MYO1H: variants seen among roughly 807,000 people sequenced by gnomAD.
The protein encoded by MYO1H is unconventional myosin-Ih.
In MYO1H, 118 loss-of-function variants were observed where a neutral mutation model predicts 149.3. That is an observed-to-expected ratio of 0.79 (90% CI 0.68 to 0.92). MYO1H has a LOEUF of 0.92. Among genes scored for constraint, MYO1H ranks in the 40% least tolerant of loss-of-function variants. The pLI, the probability that MYO1H is intolerant of heterozygous loss-of-function variation, is 0.00. For synonymous variants in MYO1H, 447 were observed against 465.2 expected, an observed-to-expected ratio of 0.96 and a Z score of 0.50; for missense variants, 1,212 against 1,280.7, an observed-to-expected ratio of 0.95 and a Z score of 0.82.
At chr12:109,389,439 G>T (rs960982789) in intron 2 of MYO1H, among the ~76,000 whole-genome samples, 14 of 152,106 alleles carry the variant, frequency 9.2e-5, no homozygotes, top group Admixed American at 7.2e-4. Flanking sequence ...AGCCCTGGAC[G>T]GTATAGGCAG....
At chr12:109,409,305 A>T in intron 10 of MYO1H, among the ~76,000 whole-genome samples, 1 of 80,758 alleles carries the variant, frequency 1.2e-5, no homozygotes, top group African/African-American at 6.9e-5. Flanking sequence ...GGCTGAGGAC[A>T]CCTGAACAAA....
chr12:109,335,646 T>G, the MYO1H span, among the ~76,000 whole-genome samples: 3 of 152,240 alleles, frequency 2.0e-5, no homozygotes, highest in Non-Finnish European at 4.4e-5. Context: ...TTGCATTAAA[T>G]ATATGTAAAA....
the MYO1H span, among the ~76,000 whole-genome samples, chr12:109,326,930 C>T: frequency 1.3e-5 from 2 of 151,910 alleles, no homozygotes; most frequent in Admixed American, 6.6e-5. Context: ...TATAAACTTT[C>T]CCCCCACTCT....
chr12:109,442,315 T>A, intron 27 of MYO1H, 43 bp downstream of exon 27: 1 of 1,579,534 alleles, frequency 6.3e-7, no homozygotes, highest in Non-Finnish European at 8.7e-7. Context: ...GATTCCCTCA[T>A]CGAGTCTAAG....
At chr12:109,404,107 A>T in intron 7 of MYO1H, 27 bp downstream of exon 7, 2 of 1,533,302 alleles carry the variant, frequency 1.3e-6, no homozygotes, top group Non-Finnish European at 9.0e-7. Context: ...CAGAACTGAT[A>T]GTTCCCCCTG....
At chr12:109,405,334 CAG>C (rs1387102608) in intron 7 of MYO1H, among the ~76,000 whole-genome samples, 5 of 152,130 alleles carry the variant, frequency 3.3e-5, no homozygotes, top group African/African-American at 9.7e-5. Flanking sequence ...TCTTTTGAGA[CAG>C]AGTCTTGCTC....
At chr12:109,389,266 G>T (rs903530403) in intron 2 of MYO1H, among the ~76,000 whole-genome samples, 1 of 152,174 alleles carries the variant, frequency 6.6e-6, no homozygotes, top group Non-Finnish European at 1.5e-5. Flanking sequence ...ATACTCTGGG[G>T]ATAAGCTCTA....
chr12:109,401,021 G>A, intron 5 of MYO1H, 72 bp from the exon 6 acceptor site: 1 of 1,344,776 alleles, frequency 7.4e-7, no homozygotes, highest in Non-Finnish European at 1.0e-6. Flanking sequence ...TAGAACTTCG[G>A]GCCATCAGGA....
intron 15 of MYO1H, among the ~76,000 whole-genome samples, chr12:109,420,395 G>A (rs2135572336): frequency 6.6e-6 from 1 of 152,274 alleles, no homozygotes; most frequent in South Asian, 2.1e-4. Flanking sequence ...AAAGAAAAGA[G>A]GTTTAATTAA....
intron 1 of MYO1H, among the ~76,000 whole-genome samples, chr12:109,368,663 G>A (rs542456186): frequency 8.0e-5 from 10 of 124,872 alleles, no homozygotes; most frequent in Non-Finnish European, 1.4e-4. Flanking sequence ...AAAAAAAAGG[G>A]TTCTTGCTGA....
chr12:109,315,622 C>T, the MYO1H span, among the ~76,000 whole-genome samples: 3 of 152,306 alleles, frequency 2.0e-5, no homozygotes, highest in Middle Eastern at 3.4e-3. Context: ...ACTAGGCCCA[C>T]GATCCCTCAA....
intron 1 of MYO1H, among the ~76,000 whole-genome samples, chr12:109,376,819 G>C (rs1869096716): frequency 6.6e-6 from 1 of 152,174 alleles, no homozygotes; most frequent in Non-Finnish European, 1.5e-5. Flanking sequence ...GAAACAGCTT[G>C]TCAAGTTTTA....
chr12:109,419,403 C>G (rs986719689), intron 15 of MYO1H, among the ~76,000 whole-genome samples: 3 of 152,102 alleles, frequency 2.0e-5, no homozygotes, highest in Non-Finnish European at 2.9e-5. Flanking sequence ...GTGTCATCCT[C>G]ATATTTGGGT....
upstream of MYO1H, among the ~76,000 whole-genome samples, chr12:109,344,147 A>G (rs1276927402): frequency 1.3e-5 from 2 of 152,188 alleles, no homozygotes; most frequent in Non-Finnish European, 2.9e-5. Context: ...TATTGGGAAG[A>G]CCACAGAGGC....
chr12:109,427,208 TGG>T (rs1178534326), intron 18 of MYO1H, among the ~76,000 whole-genome samples: 1 of 149,150 alleles, frequency 6.7e-6, no homozygotes, highest in Non-Finnish European at 1.5e-5. Context: ...CCCCACTACT[TGG>T]GAGGCTGAGG....
chr12:109,424,701 T>C, intron 16 of MYO1H, 47 bp from the exon 17 acceptor site: 1 of 1,500,282 alleles, frequency 6.7e-7, no homozygotes, highest in East Asian at 2.3e-5. Context: ...AGCCCTGTAG[T>C]GATTTCTGAA....
intron 6 of MYO1H, among the ~76,000 whole-genome samples, chr12:109,402,772 A>G: frequency 6.6e-6 from 1 of 152,226 alleles, no homozygotes; most frequent in East Asian, 1.9e-4. Flanking sequence ...ACAAAGCTGT[A>G]TGGTCGCATC....
At chr12:109,341,716 A>G in the MYO1H span, among the ~76,000 whole-genome samples, 1 of 152,200 alleles carries the variant, frequency 6.6e-6, no homozygotes, top group East Asian at 1.9e-4. Flanking sequence ...CCTAAGTAGA[A>G]AGCAGGGATA....
chr12:109,363,626 C>T (rs1273175242), intron 1 of MYO1H, among the ~76,000 whole-genome samples: 1 of 152,048 alleles, frequency 6.6e-6, no homozygotes, highest in South Asian at 2.1e-4. Context: ...GCAGGAGAAT[C>T]GCTTGAACCC....
Sources: allele counts gnomAD v4.1 joint callset (sites outside exome capture counted in the v4.1 genomes callset), GRCh38; gene constraint gnomAD v4.1.1; transcripts MANE v1.5; gene names NCBI Gene and HGNC (gene_info 2026-07-23, HGNC 2026-07-21).